PNN: variants seen among roughly 807,000 people sequenced by gnomAD.
PNN encodes the protein pinin, desmosome associated protein, also known as pinin.
Under a neutral mutation model 76.6 loss-of-function variants are expected in PNN, and 38 were observed. That is an observed-to-expected ratio of 0.50 (90% CI 0.38 to 0.65). The LOEUF is 0.65. PNN is among the 30% of genes least tolerant of loss of function. The pLI, the probability that PNN is intolerant of heterozygous loss-of-function variation, is 0.00. For missense variants in PNN, 873 were observed against 874.1 expected (o/e 1.00, Z 0.02); for synonymous variants, 366 against 283.7 (o/e 1.29, Z -2.91).
rs773146536 is a variant in PNN at position 39,179,475 on chromosome 14, A to G, written c.793+13A>G. 18 of 1,607,534 alleles carry G rather than the reference A, an allele frequency of 1.1e-5. No individual in the cohort carries two copies. The highest frequency in any genetic ancestry group is 1.5e-5 in the Non-Finnish European group (18 of 1,177,230). On this transcript the variant is annotated intron_variant, in intron 8 of 8. Transcript: ENST00000216832. ...AGAAAAATGAACGGTAAGTATGCGAAGAGGTCCATTGAATTGTTCATAGTG... is the reference window on the plus strand; with the variant it reads ...AGAAAAATGAACGGTAAGTATGCGAGGAGGTCCATTGAATTGTTCATAGTG...
In PNN at chr14:39,181,936, T is replaced by C; in HGVS notation, c.*73T>C. 1 of 1,429,176 alleles carries C rather than the reference T, an allele frequency of 7.0e-7. No homozygotes were observed. The highest frequency in any genetic ancestry group is 2.3e-5 in the East Asian group (1 of 43,520). The allele number at this position is 1,429,176 out of a possible 1,614,324, so 88.5% of individuals were successfully genotyped here. A position where few individuals can be genotyped will look rare whatever the true frequency, so the allele number is the denominator to read the frequency against. On this transcript the variant is annotated 3_prime_UTR_variant, in exon 9 of 9. Transcript: ENST00000216832. ...TTGATAAAAAAGGATTACCTTTCCT[T>C]GTAAAGAGGATGCTGCCTTAAGAAT... is the stretch of plus-strand genomic sequence containing the variant.
intron 2 of PNN, 69 bp from the exon 3 acceptor site, chr14:39,176,458 C>A: frequency 8.3e-7 from 1 of 1,198,540 alleles, no homozygotes; most frequent in Non-Finnish European, 1.2e-6. Flanking sequence ...TAACCATATT[C>A]TCTTGTCAAA....
Position 39,179,101 on chromosome 14 carries a change from G to T in PNN, c.509G>T (p.Arg170Leu). 4 of 1,609,762 alleles carry T rather than the reference G, an allele frequency of 2.5e-6. No homozygotes were observed. Among genetic ancestry groups the T allele is most frequent in the Non-Finnish European group, 1.7e-6 (2 of 1,179,094 alleles). ...STVATERQKR[R>L]QEIEQKLEVQ... ...CTACTTAACTTTTAGCAAAAGCGGC[G>T]CCAGGAAATTGAACAAAAACTTGAA... The change falls in exon 7 of 9, where the codon CGC (arginine) becomes CTC (leucine). Residue 170 changes from arginine to leucine, a missense_variant. Around this residue, in one of 3 missense-constraint regions of PNN, gnomAD observed 712 missense variants for 693.1 expected, o/e 1.03. Coordinates refer to ENST00000216832, the MANE Select transcript of PNN (RefSeq NM_002687.4).
chr14:39,177,446 C>A lies in PNN; in HGVS notation c.289C>A (p.Arg97Ser). The A allele has an allele frequency of 1.2e-6, 2 of 1,613,994 alleles. No individual in the cohort carries two copies. Among genetic ancestry groups the A allele is most frequent in the Non-Finnish European group, 1.7e-6 (2 of 1,179,940 alleles). The change falls in exon 4 of 9, where the codon CGC becomes AGC. Residue 97 changes from arginine to serine, a missense_variant. Around this residue, in one of 3 missense-constraint regions of PNN, gnomAD observed 156 missense variants for 161.7 expected, o/e 0.96. Transcript: ENST00000216832. ...GGAGCGTCGGACCAGAAGAGAATCA[C>A]GCCAGGAAAGCGACCCGGAGGATGA... is the stretch of plus-strand genomic sequence containing the variant. ...GGERRTRRES[R>S]QESDPEDDDV...
At chr14:39,176,435 AT>A (rs1362628476) in intron 2 of PNN, 91 bp from the exon 3 acceptor site, 1 of 995,650 alleles carries the variant, frequency 1.0e-6, no homozygotes, top group Non-Finnish European at 1.5e-6. Flanking sequence ...AGTTGGAAAG[AT>A]TTTTGAAAGT....
chr14:39,177,478 TA>T lies in PNN; in HGVS notation c.326del (p.Lys109SerfsTer9). 6.2e-7 allele frequency: 1 copy of T among 1,613,700 alleles called. No individual in the cohort carries two copies. The highest frequency in any genetic ancestry group is 8.5e-7 in the Non-Finnish European group (1 of 1,179,594). On this transcript the variant is annotated frameshift_variant, in exon 4 of 9. Coordinates refer to ENST00000216832, the MANE Select transcript of PNN (RefSeq NM_002687.4). LOFTEE classifies it high-confidence loss of function. ...QESDPEDDDVKKPALQSSVVA... is the reference protein window; with the variant it reads ...QESDPEDDDVXKPALQSSVVA... ...AAAGCGACCCGGAGGATGATGATGT[TA>T]AAAAGGTATTGAGATTGAAAGAACT...
intron 6 of PNN, 105 bp downstream of exon 6, chr14:39,178,021 A>G (rs762449656): frequency 2.2e-5 from 17 of 765,068 alleles, no homozygotes; most frequent in Non-Finnish European, 3.6e-5. Context: ...CCTAACTGTA[A>G]ACCTGAAACA....
At chr14:39,178,792 T>C (rs2053249040) in intron 6 of PNN, among the ~76,000 whole-genome samples, 1 of 151,738 alleles carries the variant, frequency 6.6e-6, no homozygotes, top group African/African-American at 2.4e-5. Flanking sequence ...GGCTGGAGTG[T>C]AGTGGCGTGA....
Position 39,181,371 on chromosome 14 carries a change from C to T in PNN, c.1662C>T (p.Ser554=), listed in dbSNP as rs1160229895. ...PVLTVHPESK[S]KTKTRSRSRG... ...TGACAGTACATCCAGAGAGCAAGAG[C>T]AAAACCAAAACTAGGAGCAGAAGTA... The change falls in exon 9 of 9, where the codon AGC becomes AGT. Residue 554 remains serine (S), a synonymous_variant. Transcript: ENST00000216832. The T allele has an allele frequency of 1.9e-6, 3 of 1,614,180 alleles. No homozygotes were observed. Among genetic ancestry groups the T allele is most frequent in the African/African-American group, 1.3e-5 (1 of 75,030 alleles).
In PNN at chr14:39,181,979, C is replaced by G. The variant is rs961474186; in HGVS notation, c.*116C>G. On this transcript the variant is annotated 3_prime_UTR_variant, in exon 9 of 9. Transcript: ENST00000216832. Reference sequence around the variant, plus strand: ...TTAAGAATTGCATGTTGTAAAAAATCTTTTTGGAAAATACAGACTGTTTGT... The same window carrying G: ...TTAAGAATTGCATGTTGTAAAAAATGTTTTTGGAAAATACAGACTGTTTGT... 3.7e-6 allele frequency: 4 copies of G among 1,080,746 alleles called. No homozygotes were observed. The highest frequency in any genetic ancestry group is 5.8e-5 in the Admixed American group (2 of 34,636). 66.9% of individuals were successfully genotyped at this position (1,080,746 alleles called of 1,614,324 possible). A position where few individuals can be genotyped will look rare whatever the true frequency, so the allele number is the denominator to read the frequency against.
At position 39,176,488 on chromosome 14, in the gene PNN, G is replaced by C. The variant is rs745542382; in HGVS notation, c.186-39G>C. 34 of 1,392,872 alleles carry C rather than the reference G, an allele frequency of 2.4e-5. No individual in the cohort carries two copies. The South Asian group carries it at 3.9e-4, about 16-fold the overall frequency. The allele number at this position is 1,392,872 out of a possible 1,614,324, so 86.3% of individuals were successfully genotyped here. On this transcript the variant is annotated intron_variant, in intron 2 of 8. Transcript: ENST00000216832. ...GTCAAATGGAAATACCATTTATCTT[G>C]TATTTCAAGTGTTTTATGTTGAACA... is the stretch of plus-strand genomic sequence containing the variant.
rs1244658914 is a variant in PNN at position 39,175,299 on chromosome 14, C to T, written c.20C>T (p.Thr7Ile). MAVAVRTLQEQLEKAKE... is the reference protein window; with the variant it reads MAVAVRILQEQLEKAKE... ...GAGAAGATGGCGGTCGCCGTGAGAA[C>T]TTTGCAGGAACAGCTGGAAAAGGCC... is the stretch of plus-strand genomic sequence containing the variant. The change falls in exon 1 of 9, where the codon ACT (threonine) becomes ATT (isoleucine). Residue 7 changes from threonine to isoleucine, a missense_variant. Thr to Ile is a moderately conservative substitution (Grantham distance 89). Coordinates refer to ENST00000216832, the MANE Select transcript of PNN (RefSeq NM_002687.4). 5 of 1,607,994 alleles carry T rather than the reference C, an allele frequency of 3.1e-6. No homozygotes were observed. The highest frequency in any genetic ancestry group is 2.2e-5 in the South Asian group (2 of 90,562).
chr14:39,175,767 A>G, intron 1 of PNN: 1 of 470,248 alleles, frequency 2.1e-6, no homozygotes, highest in Non-Finnish European at 3.8e-6. Context: ...GGGACGCAAC[A>G]AGCCGCCTTA....
chr14:39,180,522 C>T lies in PNN; in HGVS notation c.813C>T (p.Arg271=), dbSNP rs2053261090. Residue 271 remains arginine (R), a synonymous_variant, in exon 9 of 9, where the codon CGC becomes CGT. Coordinates refer to ENST00000216832, the MANE Select transcript of PNN (RefSeq NM_002687.4). ...RKMNALFEGR[R]IEFAEQINKM... ...CTTTAGCTTTATTTGAAGGTAGACG[C>T]ATCGAATTTGCAGAACAAATAAATA... is the stretch of plus-strand genomic sequence containing the variant. 13 of 1,587,498 alleles carry T rather than the reference C, an allele frequency of 8.2e-6. No homozygotes were observed. Among genetic ancestry groups the T allele is most frequent in the Non-Finnish European group, 1.0e-5 (12 of 1,169,330 alleles).
intron 8 of PNN, 41 bp from the exon 9 acceptor site, chr14:39,180,462 T>G (rs745457756): frequency 1.3e-6 from 2 of 1,495,162 alleles, no homozygotes; most frequent in Non-Finnish European, 1.8e-6. Context: ...TTGAATTTTC[T>G]TAATCGGTAA....
intron 8 of PNN, 34 bp from the exon 9 acceptor site, chr14:39,180,469 G>A: frequency 6.7e-7 from 1 of 1,498,916 alleles, no homozygotes; most frequent in East Asian, 2.3e-5. Context: ...TTCTTAATCG[G>A]TAAATTTTAC....
intron 1 of PNN, 71 bp from the exon 2 acceptor site, chr14:39,176,007 C>T (rs925571197): frequency 1.9e-5 from 15 of 797,862 alleles, no homozygotes; most frequent in Non-Finnish European, 2.8e-5. Context: ...TGATCCACAT[C>T]TCTGAAAGTA....
chr14:39,181,473 C>T lies in PNN; in HGVS notation c.1764C>T (p.Thr588=), dbSNP rs770744012. 10 of 1,607,488 alleles carry T rather than the reference C, an allele frequency of 6.2e-6. No individual in the cohort carries two copies. Among genetic ancestry groups the T allele is most frequent in the Non-Finnish European group, 8.5e-6 (10 of 1,176,796 alleles). ...GTAGCAGTTCTAGTAGCAGTTCAAC[C>T]AGTAGCAGCAGTGGAAGTAGTTCCA... ...SSSSSSSSSS[T]SSSSGSSSSS... The change falls in exon 9 of 9, where the codon ACC becomes ACT. Residue 588 remains threonine, a synonymous_variant. Transcript: ENST00000216832.
chr14:39,182,142 CTCTTCAGTAAGAAT>C lies in PNN; in HGVS notation c.*280_*293del. 3.6e-6 allele frequency: 1 copy of C among 277,696 alleles called. No homozygotes were observed. The highest frequency in any genetic ancestry group is 6.8e-6 in the Non-Finnish European group (1 of 147,926). 17.2% of individuals were successfully genotyped at this position (277,696 alleles called of 1,614,324 possible). Reference sequence around the variant, plus strand: ...TGTCATCTTTTTTAAATATCCTATACTCTTCAGTAAGAATCTGTATATTTTAATAGGCAAATCTT... The same window carrying C: ...TGTCATCTTTTTTAAATATCCTATACCTGTATATTTTAATAGGCAAATCTT... On this transcript the variant is annotated 3_prime_UTR_variant, in exon 9 of 9. Coordinates refer to ENST00000216832, the MANE Select transcript of PNN (RefSeq NM_002687.4).
Sources: gnomAD v4.1 joint callset for allele counts (sites outside exome capture counted in the v4.1 genomes callset) on GRCh38, gnomAD v4.1.1 for gene constraint, gnomAD v4.1.1 regional missense constraint, MANE v1.5 for transcripts, NCBI Gene and HGNC (gene_info 2026-07-23, HGNC 2026-07-21) for gene names.